The following GLMN variants were observed in gnomAD, a reference collection of about 807,000 sequenced individuals.
The protein encoded by GLMN is glomulin, FKBP associated protein.
Under a neutral mutation model 87.8 loss-of-function variants are expected in GLMN, and 75 were observed. The ratio of observed to expected loss-of-function variants is 0.85; its 90% CI spans 0.71 to 1.04. The LOEUF is 1.04. Among genes scored for constraint, GLMN ranks in the 50% least tolerant of loss-of-function variants. GLMN has a pLI of 0.00. For synonymous variants in GLMN, 206 were observed against 221.6 expected (o/e 0.93, Z 0.63); for missense variants, 588 against 658.8 (o/e 0.89, Z 1.18).
At chr1:92,321,075 T>C in the GLMN span, among the ~76,000 whole-genome samples, 1 of 152,220 alleles carries the variant, frequency 6.6e-6, no homozygotes, top group Admixed American at 6.5e-5. Context: ...TTTCTAAACT[T>C]TCCTCATGGT....
At chr1:92,278,749 T>C (rs1322821567) in intron 7 of GLMN, among the ~76,000 whole-genome samples, 2 of 152,212 alleles carry the variant, frequency 1.3e-5, no homozygotes, top group African/African-American at 4.8e-5. Context: ...CTTGTTGCAG[T>C]TAGTAGACCC....
At chr1:92,303,307 C>G (rs375104139), upstream of GLMN, among the ~76,000 whole-genome samples, 125 of 152,232 alleles carry the variant, frequency 8.2e-4, 1 homozygote, top group South Asian at 0.023. Flanking sequence ...TCATTTGAAA[C>G]ATAAAACTTA....
At chr1:92,324,427 C>G in the GLMN span, 1 of 1,315,700 alleles carries the variant, frequency 7.6e-7, no homozygotes, top group African/African-American at 1.5e-5. Flanking sequence ...TTGGAAAACT[C>G]ACCACAGCAA....
At chr1:92,251,190 G>A (rs2100788596) in intron 16 of GLMN, among the ~76,000 whole-genome samples, 1 of 152,118 alleles carries the variant, frequency 6.6e-6, no homozygotes, top group East Asian at 1.9e-4. Flanking sequence ...CATTACTTGA[G>A]GTCAAGACTT....
intron 7 of GLMN, among the ~76,000 whole-genome samples, chr1:92,277,815 G>A (rs529373782): frequency 6.6e-6 from 1 of 152,208 alleles, no homozygotes; most frequent in South Asian, 2.1e-4. Flanking sequence ...ATTCTTTATA[G>A]TAAACCACTA....
intron 16 of GLMN, among the ~76,000 whole-genome samples, chr1:92,252,021 C>T (rs1315881043): frequency 4.6e-5 from 7 of 152,016 alleles, no homozygotes; most frequent in Admixed American, 3.9e-4. Context: ...TGGTCTCTAA[C>T]TCCTAACCTC....
the GLMN span, among the ~76,000 whole-genome samples, chr1:92,326,622 A>T: frequency 4.6e-5 from 7 of 152,260 alleles, no homozygotes; most frequent in South Asian, 1.5e-3. Context: ...CTCCTTGGGC[A>T]GGGCTTGCTG....
At chr1:92,307,694 T>G in the GLMN span, among the ~76,000 whole-genome samples, 1 of 150,478 alleles carries the variant, frequency 6.6e-6, no homozygotes, top group African/African-American at 2.5e-5. Context: ...CAGTACACTA[T>G]TTTATCAATT....
At chr1:92,268,411 C>T (rs975744286) in intron 9 of GLMN, among the ~76,000 whole-genome samples, 4 of 152,174 alleles carry the variant, frequency 2.6e-5, no homozygotes, top group African/African-American at 9.7e-5. Context: ...TGCTAAGAAA[C>T]TAACTAAACC....
chr1:92,283,651 A>G (rs1430190981), intron 7 of GLMN, among the ~76,000 whole-genome samples: 1 of 152,208 alleles, frequency 6.6e-6, no homozygotes, highest in East Asian at 1.9e-4. Context: ...AATAAAGGGT[A>G]TTTGATTAGG....
At chr1:92,323,706 C>A in the GLMN span, 9 of 1,613,912 alleles carry the variant, frequency 5.6e-6, no homozygotes, top group African/African-American at 2.7e-5. Flanking sequence ...AACACAAAGA[C>A]AAAGAACAGA....
chr1:92,327,604 A>G, the GLMN span, among the ~76,000 whole-genome samples: 3 of 152,018 alleles, frequency 2.0e-5, no homozygotes, highest in African/African-American at 7.2e-5. Flanking sequence ...ATTCGTATTA[A>G]TTTTGCCATT....
chr1:92,333,501 TG>T, the GLMN span: 1 of 1,480,116 alleles, frequency 6.8e-7, no homozygotes, highest in South Asian at 1.1e-5. Flanking sequence ...ATTCCAGCTT[TG>T]TAGTAGTTTT....
Position 92,297,339 on chromosome 1 carries a change from A to G in GLMN, c.165+65T>C, listed in dbSNP as rs936658068. ...AAATGTTTGATGGATAAATGACTGGATGAATAGCATCATGTGATTATTCTC... is the reference window on the plus strand; with the variant it reads ...AAATGTTTGATGGATAAATGACTGGGTGAATAGCATCATGTGATTATTCTC... On this transcript the variant is annotated intron_variant, in intron 3 of 18. Transcript: ENST00000370360. 7 of 1,588,268 alleles carry G rather than the reference A, an allele frequency of 4.4e-6. No individual in the cohort carries two copies. In the African/African-American group the frequency reaches 8.1e-5, roughly 18 times the overall value.
intron 16 of GLMN, among the ~76,000 whole-genome samples, chr1:92,259,820 C>T (rs906651982): frequency 1.1e-4 from 17 of 149,602 alleles, no homozygotes; most frequent in Non-Finnish European, 1.8e-4. Flanking sequence ...CTGCAAGCTC[C>T]GCCTCCCGGT....
intron 11 of GLMN, among the ~76,000 whole-genome samples, chr1:92,267,381 G>A (rs1384395968): frequency 1.3e-5 from 2 of 152,110 alleles, no homozygotes; most frequent in Admixed American, 1.3e-4. Context: ...ATAGCTATTC[G>A]TGTTTAAATA....
At chr1:92,367,416 A>C in the GLMN span, among the ~76,000 whole-genome samples, 4 of 152,220 alleles carry the variant, frequency 2.6e-5, no homozygotes, top group Non-Finnish European at 5.9e-5. Context: ...TAATTGGTTA[A>C]AGTGATAAAC....
chr1:92,299,134 C>A, upstream of GLMN: 1 of 1,517,556 alleles, frequency 6.6e-7, no homozygotes, highest in Non-Finnish European at 8.9e-7. Flanking sequence ...CCGCTGCTCT[C>A]GAAAAGCCGC....
At chr1:92,310,777 GC>G in the GLMN span, among the ~76,000 whole-genome samples, 2 of 151,924 alleles carry the variant, frequency 1.3e-5, no homozygotes, top group African/African-American at 4.8e-5. Flanking sequence ...CATGCCTGTA[GC>G]CCCAGCTACT....
Sources: gnomAD v4.1 joint callset for allele counts (sites outside exome capture counted in the v4.1 genomes callset) on GRCh38, gnomAD v4.1.1 for gene constraint, MANE v1.5 for transcripts, NCBI Gene and HGNC (gene_info 2026-07-23, HGNC 2026-07-21) for gene names.